Variants in ZNF536 observed in about 807,000 individuals in gnomAD.
ZNF536 encodes the protein zinc finger protein 536.
A neutral mutation model predicts 84.5 loss-of-function variants in ZNF536; 13 were observed. The ratio of observed to expected loss-of-function variants is 0.15; its 90% CI spans 0.10 to 0.24. ZNF536 has a LOEUF of 0.24. Ranked by LOEUF, ZNF536 falls within the 10% of genes least tolerant of loss-of-function variation. ZNF536 has a pLI of 1.00. For synonymous variants in ZNF536, 811 were observed against 742.5 expected, an observed-to-expected ratio of 1.09 and a Z score of -1.50; for missense variants, 1,536 against 1,747.5, an observed-to-expected ratio of 0.88 and a Z score of 2.16.
At chr19:30,701,856 A>G (rs2051998386) in intron 1 of ZNF536, among the ~76,000 whole-genome samples, 1 of 152,186 alleles carries the variant, frequency 6.6e-6, no homozygotes, top group African/African-American at 2.4e-5. Flanking sequence ...ATATCTCCCT[A>G]CTGACAGTCA....
At chr19:30,666,207 T>C (rs142240541) in intron 1 of ZNF536, among the ~76,000 whole-genome samples, 4 of 152,226 alleles carry the variant, frequency 2.6e-5, no homozygotes, top group African/African-American at 9.6e-5. Context: ...GTTCTGAGCT[T>C]AGGCCCAGCC....
chr19:30,512,449 T>C (rs567754028), intron 2 of ZNF536, among the ~76,000 whole-genome samples: 3 of 152,314 alleles, frequency 2.0e-5, no homozygotes, highest in Admixed American at 2.0e-4. Flanking sequence ...ATTTTGTGGC[T>C]GTTTCATCTT....
chr19:30,510,210 T>C (rs1438309382), intron 2 of ZNF536, among the ~76,000 whole-genome samples: 1 of 152,210 alleles, frequency 6.6e-6, no homozygotes, highest in Non-Finnish European at 1.5e-5. Context: ...TGCTTGTTTG[T>C]TATGAGAAAG....
At chr19:30,629,955 C>T (rs2048831162) in intron 1 of ZNF536, among the ~76,000 whole-genome samples, 1 of 152,208 alleles carries the variant, frequency 6.6e-6, no homozygotes, top group Admixed American at 6.5e-5. Context: ...GGAGAGAACA[C>T]CCATTTGTGG....
chr19:30,430,951 T>C (rs949686843), intron 1 of ZNF536, among the ~76,000 whole-genome samples: 1 of 152,208 alleles, frequency 6.6e-6, no homozygotes, highest in African/African-American at 2.4e-5. Context: ...GCTGGGATTA[T>C]TGGCATGAGC....
intron 2 of ZNF536, among the ~76,000 whole-genome samples, chr19:30,519,715 A>G (rs2044240939): frequency 6.6e-6 from 1 of 152,150 alleles, no homozygotes; most frequent in Non-Finnish European, 1.5e-5. Flanking sequence ...TTGCATGATC[A>G]TGGAAGGGTG....
At chr19:30,613,955 T>C (rs1464688463) in intron 1 of ZNF536, among the ~76,000 whole-genome samples, 1 of 152,214 alleles carries the variant, frequency 6.6e-6, no homozygotes, top group African/African-American at 2.4e-5. Flanking sequence ...CTCCGCCTCC[T>C]GCGTTAAAGC....
chr19:30,655,345 G>T (rs1027496489), intron 1 of ZNF536, among the ~76,000 whole-genome samples: 11 of 152,154 alleles, frequency 7.2e-5, no homozygotes, highest in African/African-American at 2.7e-4. Context: ...GTGAATAAAA[G>T]AATCTATTAC....
chr19:30,393,071 C>T (rs999994679), intron 1 of ZNF536, among the ~76,000 whole-genome samples: 4 of 152,118 alleles, frequency 2.6e-5, no homozygotes, highest in Non-Finnish European at 5.9e-5. Context: ...AGCAGTCATG[C>T]GCGCTGGGGA....
chr19:30,369,493 C>T (rs1010593577), upstream of ZNF536, among the ~76,000 whole-genome samples: 13 of 152,170 alleles, frequency 8.5e-5, no homozygotes, highest in African/African-American at 1.2e-4. Flanking sequence ...GAGTCCGACC[C>T]GTCTGCGATT....
At chr19:30,540,836 T>C (rs2058182745) in intron 3 of ZNF536, among the ~76,000 whole-genome samples, 1 of 152,262 alleles carries the variant, frequency 6.6e-6, no homozygotes, top group African/African-American at 2.4e-5. Flanking sequence ...ACAAGTGGTG[T>C]TGGCGCAGCC....
intron 1 of ZNF536, among the ~76,000 whole-genome samples, chr19:30,626,012 A>G (rs1189319739): frequency 6.6e-6 from 1 of 152,254 alleles, no homozygotes; most frequent in Non-Finnish European, 1.5e-5. Flanking sequence ...TGTAAGTTCA[A>G]TGCTAATCAC....
chr19:30,493,144 G>C (rs2145145851), intron 2 of ZNF536, among the ~76,000 whole-genome samples: 1 of 124,170 alleles, frequency 8.1e-6, no homozygotes, highest in Non-Finnish European at 1.6e-5. Context: ...CATAGTTCTG[G>C]GCAGCTGTCA....
intron 1 of ZNF536, among the ~76,000 whole-genome samples, chr19:30,249,719 C>G (rs955416272): frequency 6.6e-6 from 1 of 152,168 alleles, no homozygotes; most frequent in Admixed American, 6.5e-5. Flanking sequence ...GGAAACCCCC[C>G]ACCCTGCCTC....
chr19:30,344,118 G>A (rs904706943), intron 2 of ZNF536, among the ~76,000 whole-genome samples: 1 of 151,262 alleles, frequency 6.6e-6, no homozygotes, highest in African/African-American at 2.4e-5. Context: ...TTGGCCCTGT[G>A]GTTTCCCACC....
intron 3 of ZNF536, 94 bp from the exon 4 acceptor site, chr19:30,547,849 T>A (rs751170911): frequency 7.1e-7 from 1 of 1,408,506 alleles, no homozygotes; most frequent in Non-Finnish European, 9.5e-7. Flanking sequence ...TGAGCTGCTT[T>A]GTTTCAAAGA....
chr19:30,608,793 A>G (rs763052678), intron 1 of ZNF536, among the ~76,000 whole-genome samples: 1 of 152,202 alleles, frequency 6.6e-6, no homozygotes, highest in African/African-American at 2.4e-5. Flanking sequence ...GCTAAGGAAG[A>G]TATAGGACTT....
chr19:30,581,916 G>C (rs2046934661), intron 1 of ZNF536, among the ~76,000 whole-genome samples: 1 of 152,164 alleles, frequency 6.6e-6, no homozygotes, highest in African/African-American at 2.4e-5. Flanking sequence ...CCTGGTGACA[G>C]AGCCAGAGCG....
intron 1 of ZNF536, among the ~76,000 whole-genome samples, chr19:30,586,908 G>A (rs140688833): frequency 3.9e-4 from 59 of 152,310 alleles, no homozygotes; most frequent in African/African-American, 1.4e-3. Flanking sequence ...TCATGAGGAA[G>A]AGATTCAATT....
Sources: allele counts gnomAD v4.1 joint callset (sites outside exome capture counted in the v4.1 genomes callset), GRCh38; gene constraint gnomAD v4.1.1; transcripts MANE v1.5; gene names NCBI Gene and HGNC (gene_info 2026-07-23, HGNC 2026-07-21).